The following CPNE8 variants were observed in gnomAD, a reference collection of about 807,000 sequenced individuals.
CPNE8 encodes the protein copine-8.
A neutral mutation model predicts 81.5 loss-of-function variants in CPNE8; 45 were observed. The ratio of observed to expected loss-of-function variants is 0.55; its 90% CI spans 0.44 to 0.71. The LOEUF is 0.71. Among genes scored for constraint, CPNE8 ranks in the 30% least tolerant of loss-of-function variants. The pLI is 0.00. For missense variants in CPNE8, 594 were observed against 672.1 expected (o/e 0.88, Z 1.28); for synonymous variants, 252 against 226.3 (o/e 1.11, Z -1.02).
chr12:38,699,284 A>C (rs928369859), intron 14 of CPNE8, among the ~76,000 whole-genome samples: 1 of 152,212 alleles, frequency 6.6e-6, no homozygotes, highest in Non-Finnish European at 1.5e-5. Context: ...CAATCAGTAT[A>C]CTATAAAAAG....
At chr12:38,687,994 G>T (rs1318196206) in intron 15 of CPNE8, among the ~76,000 whole-genome samples, 1 of 152,062 alleles carries the variant, frequency 6.6e-6, no homozygotes, top group Non-Finnish European at 1.5e-5. Flanking sequence ...TTCCTTTAAG[G>T]TTTTATGGTG....
At chr12:38,787,854 C>T (rs1942231217) in intron 6 of CPNE8, among the ~76,000 whole-genome samples, 1 of 149,054 alleles carries the variant, frequency 6.7e-6, no homozygotes, top group Non-Finnish European at 1.5e-5. Flanking sequence ...AAGAAATGAA[C>T]AAATACCTAG....
chr12:38,796,224 T>C (rs1045917564), intron 6 of CPNE8, among the ~76,000 whole-genome samples: 9 of 151,806 alleles, frequency 5.9e-5, no homozygotes, highest in Non-Finnish European at 8.8e-5. Flanking sequence ...GAGGCAGGAG[T>C]TGCAGTGAGC....
At chr12:38,889,018 G>A (rs1944274352) in intron 1 of CPNE8, among the ~76,000 whole-genome samples, 1 of 152,150 alleles carries the variant, frequency 6.6e-6, no homozygotes, top group Non-Finnish European at 1.5e-5. Flanking sequence ...GAAGCTAAGT[G>A]GGATGCAAAG....
chr12:38,906,354 G>GA (rs1426220877), upstream of CPNE8: 6 of 985,228 alleles, frequency 6.1e-6, no homozygotes, highest in Non-Finnish European at 7.2e-6. Flanking sequence ...CTCTAAGGTG[G>GA]AAAAAACAAT....
intron 9 of CPNE8, among the ~76,000 whole-genome samples, chr12:38,761,598 TC>T (rs1236770581): frequency 1.3e-5 from 2 of 152,208 alleles, no homozygotes; most frequent in Non-Finnish European, 2.9e-5. Context: ...CATTTGCTTT[TC>T]TTTTGGGATG....
chr12:38,657,043 C>T (rs1228315420), intron 19 of CPNE8, among the ~76,000 whole-genome samples: 1 of 152,124 alleles, frequency 6.6e-6, no homozygotes, highest in Non-Finnish European at 1.5e-5. Context: ...TGGGTGCAGC[C>T]CACAGAGGGT....
rs143438042 is a variant in CPNE8, at chr12:38,659,755, G to A, written c.1507-5685C>T. On this transcript the variant is annotated intron_variant, in intron 19 of 19. Transcript: ENST00000331366. ...AGGATTAAGAAACTCACTCAAAACC[G>A]CACAACTATACGGAAACTGAACAAT... 4.1e-3 allele frequency among the ~76,000 whole-genome samples: 617 copies of A among 152,138 alleles called. 8 individuals carry two copies. The highest frequency in any genetic ancestry group is 0.013 in the African/African-American group (556 of 41,516).
At chr12:38,784,820 C>A (rs1942140701) in intron 6 of CPNE8, among the ~76,000 whole-genome samples, 1 of 152,136 alleles carries the variant, frequency 6.6e-6, no homozygotes, top group Non-Finnish European at 1.5e-5. Context: ...AAGAATTTCT[C>A]AGACAAACAA....
intron 2 of CPNE8, among the ~76,000 whole-genome samples, chr12:38,873,428 T>C (rs1409470765): frequency 1.3e-5 from 2 of 152,160 alleles, no homozygotes; most frequent in Non-Finnish European, 2.9e-5. Context: ...AAAGGTATAA[T>C]AGGAACGAAA....
chr12:38,697,103 T>C (rs1248317121), intron 14 of CPNE8, among the ~76,000 whole-genome samples: 4 of 152,174 alleles, frequency 2.6e-5, no homozygotes, highest in Non-Finnish European at 5.9e-5. Context: ...ACTATATTCA[T>C]AGTTATGTGC....
intron 16 of CPNE8, 71 bp from the exon 17 acceptor site, chr12:38,677,625 G>C (rs1292312691): frequency 2.4e-6 from 2 of 833,958 alleles, no homozygotes; most frequent in Non-Finnish European, 4.0e-6. Flanking sequence ...ATACAATTTG[G>C]AATAGTTAAC....
intron 6 of CPNE8, among the ~76,000 whole-genome samples, chr12:38,808,336 C>G (rs910352503): frequency 6.6e-6 from 1 of 152,072 alleles, no homozygotes; most frequent in Admixed American, 6.5e-5. Flanking sequence ...TTCACAATAG[C>G]AAAGACTTGG....
intron 10 of CPNE8, among the ~76,000 whole-genome samples, chr12:38,739,168 G>GA (rs1941029626): frequency 6.6e-6 from 1 of 152,044 alleles, no homozygotes; most frequent in South Asian, 2.1e-4. Context: ...TTTTGTGATA[G>GA]GCTTCAATAA....
chr12:38,824,999 A>G (rs903803048), intron 6 of CPNE8, among the ~76,000 whole-genome samples: 2 of 152,206 alleles, frequency 1.3e-5, no homozygotes, highest in African/African-American at 2.4e-5. Context: ...AGACGGTTAA[A>G]GATATCTGGT....
At chr12:38,677,373 C>T in intron 17 of CPNE8, 79 bp downstream of exon 17, 1 of 780,798 alleles carries the variant, frequency 1.3e-6, no homozygotes, top group Non-Finnish European at 2.3e-6. Context: ...TTATTGTTAA[C>T]TAGAATAGAC....
intron 6 of CPNE8, among the ~76,000 whole-genome samples, chr12:38,781,033 T>G (rs1031857677): frequency 6.6e-6 from 1 of 152,020 alleles, no homozygotes; most frequent in Admixed American, 6.6e-5. Context: ...GGTGATAATT[T>G]AAGTTAAAGC....
At chr12:38,717,390 TGTGCCC>T (rs1940421785) in intron 13 of CPNE8, among the ~76,000 whole-genome samples, 1 of 136,266 alleles carries the variant, frequency 7.3e-6, no homozygotes, top group Admixed American at 7.7e-5. Context: ...AACCAACCTA[TGTGCCC>T]ATCGACCAAC....
At chr12:38,697,597 C>G (rs1189271954) in intron 14 of CPNE8, among the ~76,000 whole-genome samples, 1 of 152,048 alleles carries the variant, frequency 6.6e-6, no homozygotes, top group Non-Finnish European at 1.5e-5. Context: ...TCTAAAGTGG[C>G]TGTACAATTT....
Sources: allele counts gnomAD v4.1 joint callset (sites outside exome capture counted in the v4.1 genomes callset), GRCh38; gene constraint gnomAD v4.1.1; transcripts MANE v1.5; gene names NCBI Gene and HGNC (gene_info 2026-07-23, HGNC 2026-07-21).